Variants in GPN1 observed in about 807,000 individuals in gnomAD.
GPN1 encodes GPN-loop GTPase 1, also known as ATP(GTP)-binding protein.
A neutral mutation model predicts 55.9 loss-of-function variants in GPN1; 44 were observed. That is an observed-to-expected ratio of 0.79 (90% CI 0.62 to 1.01). The LOEUF (loss-of-function observed/expected upper bound fraction) is 1.01. GPN1 is among the 50% of genes least tolerant of loss of function. The pLI is 0.00. For missense variants in GPN1, 466 were observed against 462.8 expected (o/e 1.01, Z -0.06); for synonymous variants, 179 against 162.5 (o/e 1.10, Z -0.77).
chr2:27,628,739 G>A, upstream of GPN1: 4 of 1,549,826 alleles, frequency 2.6e-6, no homozygotes, highest in Admixed American at 7.9e-5. Flanking sequence ...TTCTTGCTGT[G>A]TGAGCCCTGC....
chr2:27,648,396 G>A (rs749211564), intron 13 of GPN1, among the ~76,000 whole-genome samples: 3 of 152,050 alleles, frequency 2.0e-5, no homozygotes, highest in Non-Finnish European at 4.4e-5. Flanking sequence ...ACTCACACCT[G>A]TAGTTCAAGC....
intron 13 of GPN1, among the ~76,000 whole-genome samples, chr2:27,648,357 A>G (rs1346510686): frequency 2.6e-5 from 4 of 152,026 alleles, no homozygotes; most frequent in Non-Finnish European, 5.9e-5. Flanking sequence ...CACTCTCTAC[A>G]AAAAAGAAAA....
intron 12 of GPN1, among the ~76,000 whole-genome samples, chr2:27,644,246 G>T (rs1171150548): frequency 6.6e-6 from 1 of 152,092 alleles, no homozygotes; most frequent in Non-Finnish European, 1.5e-5. Context: ...TAAGAATTTT[G>T]TGGGGTGATG....
chr2:27,631,172 C>G (rs1673539807), intron 3 of GPN1, 106 bp downstream of exon 3: 2 of 691,698 alleles, frequency 2.9e-6, no homozygotes, highest in Non-Finnish European at 5.3e-6. Flanking sequence ...AATATACAAG[C>G]AAAAGGATGG....
chr2:27,645,323 T>C (rs1674172059), intron 12 of GPN1, among the ~76,000 whole-genome samples: 1 of 152,196 alleles, frequency 6.6e-6, no homozygotes, highest in African/African-American at 2.4e-5. Flanking sequence ...CTTACTTTTA[T>C]GCCTGTACCA....
chr2:27,646,805 A>G (rs1334421646), intron 12 of GPN1, among the ~76,000 whole-genome samples: 3 of 151,934 alleles, frequency 2.0e-5, no homozygotes, highest in Admixed American at 6.6e-5. Context: ...TTATTGCTCT[A>G]TATCTAGTAG....
At chr2:27,646,335 C>T (rs575107182) in intron 12 of GPN1, among the ~76,000 whole-genome samples, 2 of 152,312 alleles carry the variant, frequency 1.3e-5, no homozygotes, top group Non-Finnish European at 2.9e-5. Flanking sequence ...AGCCACCATG[C>T]CCAGCCCCAG....
chr2:27,634,979 G>C (rs1673676243), intron 6 of GPN1, 55 bp downstream of exon 6: 2 of 1,090,322 alleles, frequency 1.8e-6, no homozygotes, highest in South Asian at 2.5e-5. Flanking sequence ...GACTGGATGA[G>C]CATTTATTTT....
intron 13 of GPN1, among the ~76,000 whole-genome samples, chr2:27,649,339 G>A (rs1674400786): frequency 6.6e-6 from 1 of 151,558 alleles, no homozygotes; most frequent in Non-Finnish European, 1.5e-5. Context: ...TTATTCTTTA[G>A]GCTGGGTTTT....
chr2:27,641,866 TAGGATTAC>T (rs1026832626), intron 11 of GPN1, among the ~76,000 whole-genome samples: 2 of 152,178 alleles, frequency 1.3e-5, no homozygotes, highest in African/African-American at 4.8e-5. Context: ...CCTGTAGTGC[TAGGATTAC>T]AGGCAGGTGC....
intron 12 of GPN1, 95 bp from the exon 13 acceptor site, chr2:27,647,741 G>C (rs757994603): frequency 1.2e-4 from 83 of 714,884 alleles, no homozygotes; most frequent in Non-Finnish European, 1.6e-4. Context: ...TGTATCATGA[G>C]CACTTTCATC....
At chr2:27,645,434 G>A (rs986223175) in intron 12 of GPN1, among the ~76,000 whole-genome samples, 5 of 152,152 alleles carry the variant, frequency 3.3e-5, no homozygotes, top group African/African-American at 9.7e-5. Flanking sequence ...TATGAACTGA[G>A]TATCAACTTT....
In GPN1 at chr2:27,639,908, C is replaced by G; in HGVS notation, c.718-135C>G. Reference sequence around the variant, plus strand: ...GGTGTGCTGTTTTGTTCTTTTTTAGCCTGGCTTTTTGCCAAAGACTTCTCA... The same window carrying G: ...GGTGTGCTGTTTTGTTCTTTTTTAGGCTGGCTTTTTGCCAAAGACTTCTCA... On this transcript the variant is annotated intron_variant, in intron 9 of 13. Coordinates refer to ENST00000610189, the MANE Select transcript of GPN1 (RefSeq NM_007266.4). The G allele has an allele frequency of 4.3e-6, 3 of 696,044 alleles. No individual in the cohort carries two copies. In the South Asian group the frequency reaches 5.5e-5, roughly 13 times the overall value. 43.1% of individuals were successfully genotyped at this position (696,044 alleles called of 1,614,324 possible). A position where few individuals can be genotyped will look rare whatever the true frequency, so the allele number is the denominator to read the frequency against.
In GPN1 at chr2:27,631,138, A is replaced by G. The variant is rs188247609; in HGVS notation, c.245+72A>G. Reference sequence around the variant, plus strand: ...GTCTGTGTATTTTGTGGCTTGAAAGAGTGTTTTTGCCTTTTCCTTGTGAAA... The same window carrying G: ...GTCTGTGTATTTTGTGGCTTGAAAGGGTGTTTTTGCCTTTTCCTTGTGAAA... On this transcript the variant is annotated intron_variant, in intron 3 of 13. Transcript: ENST00000610189. 2,124 of 809,360 alleles carry G rather than the reference A, an allele frequency of 2.6e-3. 7 individuals carry two copies. Among genetic ancestry groups the G allele is most frequent in the Middle Eastern group, 0.021 (91 of 4,430 alleles). The allele number at this position is 809,360 out of a possible 1,614,324, so 50.1% of individuals were successfully genotyped here. A position where few individuals can be genotyped will look rare whatever the true frequency, so the allele number is the denominator to read the frequency against.
At chr2:27,642,799 A>C (rs959220575) in intron 12 of GPN1, among the ~76,000 whole-genome samples, 4 of 152,040 alleles carry the variant, frequency 2.6e-5, no homozygotes, top group African/African-American at 9.7e-5. Context: ...TCCTGACCTC[A>C]GATGATCCAC....
chr2:27,643,831 T>G lies in GPN1; in HGVS notation c.931+1312T>G, dbSNP rs1451089043. The stretch of plus-strand genomic sequence containing the variant: ...TGTTGATTTGTCCCATTACTGGTGA[T>G]GTTAACTTTGAGTATTTTTATAAAG... On this transcript the variant is annotated intron_variant, in intron 12 of 13. Transcript: ENST00000610189. This position sits in a 1 kb window ranked among gnomAD's most constrained non-coding sequence, Gnocchi z 4.0. 6.6e-6 allele frequency among the ~76,000 whole-genome samples: 1 copy of G among 152,222 alleles called. No individual in the cohort carries two copies. The highest frequency in any genetic ancestry group is 1.5e-5 in the Non-Finnish European group (1 of 68,040).
At chr2:27,628,511 G>A (rs1411778296), upstream of GPN1, 1 of 1,551,504 alleles carries the variant, frequency 6.4e-7, no homozygotes, top group Non-Finnish European at 8.7e-7. Context: ...CGGGAACAAT[G>A]TGCAAGTGTG....
At chr2:27,629,011 C>G, upstream of GPN1, 1 of 1,611,658 alleles carries the variant, frequency 6.2e-7, no homozygotes, top group Non-Finnish European at 8.5e-7. Context: ...GGAAGTTTCT[C>G]TACCCATGCG....
chr2:27,646,502 T>A (rs1187773063), intron 12 of GPN1, among the ~76,000 whole-genome samples: 3 of 152,138 alleles, frequency 2.0e-5, no homozygotes, highest in African/African-American at 4.8e-5. Flanking sequence ...GAATTAAAAA[T>A]TTTTTTTTAG....
Sources: gnomAD v4.1 joint callset for allele counts (sites outside exome capture counted in the v4.1 genomes callset) on GRCh38, gnomAD v4.1.1 for gene constraint, Gnocchi (gnomAD v3.1) non-coding constraint, MANE v1.5 for transcripts, NCBI Gene and HGNC (gene_info 2026-07-23, HGNC 2026-07-21) for gene names.